DMXL1: variants seen among roughly 807,000 people sequenced by gnomAD.
DMXL1 encodes the protein Dmx like 1.
A neutral mutation model predicts 319.2 loss-of-function variants in DMXL1; 99 were observed. The observed-to-expected ratio is 0.31, with a 90% CI of 0.26 to 0.37. The LOEUF is 0.37. DMXL1 is among the 10% of genes least tolerant of loss of function. DMXL1 has a pLI of 1.00. For synonymous variants in DMXL1, 1,385 were observed against 1,235.2 expected, an observed-to-expected ratio of 1.12 and a Z score of -2.54; for missense variants, 3,745 against 3,595.6, an observed-to-expected ratio of 1.04 and a Z score of -1.06.
At chr5:119,184,173 A>G (rs1275036075) in intron 28 of DMXL1, among the ~76,000 whole-genome samples, 1 of 151,904 alleles carries the variant, frequency 6.6e-6, no homozygotes, top group Admixed American at 6.6e-5. Flanking sequence ...CTTCCACCTC[A>G]GTGCCCCAAG....
chr5:119,130,963 C>T (rs1764735565), intron 10 of DMXL1, among the ~76,000 whole-genome samples: 1 of 151,032 alleles, frequency 6.6e-6, no homozygotes, highest in South Asian at 2.1e-4. Flanking sequence ...TAAATATATG[C>T]TTTACATCCT....
chr5:119,135,845 G>C (rs1013123100), intron 13 of DMXL1, among the ~76,000 whole-genome samples: 1 of 152,174 alleles, frequency 6.6e-6, no homozygotes, highest in Non-Finnish European at 1.5e-5. Context: ...CCAGTCTCAG[G>C]TATTTCTTCA....
chr5:119,203,173 G>A, intron 32 of DMXL1, 146 bp from the exon 33 acceptor site: 1 of 498,702 alleles, frequency 2.0e-6, no homozygotes, highest in Non-Finnish European at 3.6e-6. Context: ...AATCCTTTAA[G>A]GAAAAGGTTG....
intron 13 of DMXL1, among the ~76,000 whole-genome samples, chr5:119,142,516 G>GT (rs1767614249): frequency 1.3e-5 from 1 of 76,158 alleles, no homozygotes; most frequent in South Asian, 4.4e-4. Context: ...TTATTAAAAA[G>GT]TAAAAAAAAA....
intron 20 of DMXL1, 46 bp downstream of exon 20, chr5:119,164,722 C>T (rs778765932): frequency 2.7e-5 from 41 of 1,505,554 alleles, no homozygotes; most frequent in South Asian, 1.5e-4. Flanking sequence ...ATTTTTTGGA[C>T]GTTTCTTTAA....
chr5:119,165,287 A>T lies in DMXL1; in HGVS notation c.4970+7A>T, dbSNP rs754930968. On this transcript the variant is annotated splice_region_variant and intron_variant, in intron 21 of 43. Transcript: ENST00000539542. ...TGATTTGGGGATTATATAGGTAGGT[A>T]AAAAAAAAAAAAAAAAAGGGTGCTT... 15 of 81,470 alleles carry T rather than the reference A, an allele frequency of 1.8e-4. No individual in the cohort carries two copies. Among genetic ancestry groups the T allele is most frequent in the Non-Finnish European group, 1.8e-4 (8 of 43,346 alleles). The allele number at this position is 81,470 out of a possible 1,614,324, so 5.0% of individuals were successfully genotyped here.
chr5:119,106,624 A>G (rs1005608575), intron 4 of DMXL1, among the ~76,000 whole-genome samples: 5 of 152,238 alleles, frequency 3.3e-5, no homozygotes, highest in African/African-American at 1.2e-4. Flanking sequence ...GGTTTTCAAA[A>G]GAGGCTAGTC....
chr5:119,133,104 C>T lies in DMXL1; in HGVS notation c.1316-28C>T, dbSNP rs1263802756. 7 of 1,609,566 alleles carry T rather than the reference C, an allele frequency of 4.3e-6. No individual in the cohort carries two copies. The African/African-American group carries it at 9.4e-5, about 22-fold the overall frequency. On this transcript the variant is annotated intron_variant, in intron 10 of 43. Transcript: ENST00000539542. ...TATAGTAATAACCTGTTTGTATTTA[C>T]TTGGTTCATGAACTCTTTTGCTTAT...
intron 30 of DMXL1, 44 bp downstream of exon 30, chr5:119,194,014 G>A: frequency 7.5e-7 from 1 of 1,326,038 alleles, no homozygotes; most frequent in Non-Finnish European, 1.0e-6. Context: ...AAATAATGGT[G>A]TATATAAATA....
At chr5:119,156,402 A>G (rs1483356328) in intron 19 of DMXL1, among the ~76,000 whole-genome samples, 1 of 152,202 alleles carries the variant, frequency 6.6e-6, no homozygotes, top group East Asian at 1.9e-4. Flanking sequence ...TACTCATTTT[A>G]TTGCAATATT....
intron 13 of DMXL1, among the ~76,000 whole-genome samples, chr5:119,141,731 A>G (rs13099967): frequency 6.6e-6 from 1 of 152,286 alleles, no homozygotes; most frequent in East Asian, 1.9e-4. Flanking sequence ...TCAAACTACC[A>G]ACAACATTGT....
intron 5 of DMXL1, among the ~76,000 whole-genome samples, chr5:119,111,758 G>A (rs1304686148): frequency 2.0e-5 from 3 of 152,082 alleles, no homozygotes; most frequent in African/African-American, 4.8e-5. Flanking sequence ...AAAAGAACAG[G>A]TATAACAATA....
At chr5:119,156,630 CAT>C (rs1321086794) in intron 19 of DMXL1, among the ~76,000 whole-genome samples, 2 of 151,822 alleles carry the variant, frequency 1.3e-5, no homozygotes, top group African/African-American at 2.4e-5. Context: ...ATTGGTGGAT[CAT>C]GTGGTAATTT....
intron 28 of DMXL1, among the ~76,000 whole-genome samples, chr5:119,184,759 T>C (rs1267127721): frequency 6.6e-6 from 1 of 152,212 alleles, no homozygotes; most frequent in Non-Finnish European, 1.5e-5. Context: ...GTGACTGGCT[T>C]ATTTCACCTA....
At chr5:119,081,671 C>T in intron 1 of DMXL1, 2 of 985,354 alleles carry the variant, frequency 2.0e-6, no homozygotes, top group Non-Finnish European at 2.4e-6. Context: ...TGAAGACCAA[C>T]TTAGACTTTA....
intron 42 of DMXL1, among the ~76,000 whole-genome samples, chr5:119,241,195 T>G (rs1788722523): frequency 6.6e-6 from 1 of 152,098 alleles, no homozygotes. Flanking sequence ...TGTACTGTAT[T>G]TATTGATATT....
rs139014201 is a variant in DMXL1 at position 119,222,372 on chromosome 5, A to G, written c.8277+1291A>G. On this transcript the variant is annotated intron_variant, in intron 37 of 43. Transcript: ENST00000539542. Reference sequence around the variant, plus strand: ...AGGATTAAAATGAACTTGAAAAGCAATCTAGTAATTATTCAAATGAAATGA... The same window carrying G: ...AGGATTAAAATGAACTTGAAAAGCAGTCTAGTAATTATTCAAATGAAATGA... 5.3e-5 allele frequency among the ~76,000 whole-genome samples: 8 copies of G among 152,314 alleles called. 1 individual carries two copies. The highest frequency in any genetic ancestry group is 4.6e-4 in the Admixed American group (7 of 15,288).
chr5:119,238,489 G>C (rs1193126191), intron 40 of DMXL1, among the ~76,000 whole-genome samples: 1 of 151,854 alleles, frequency 6.6e-6, no homozygotes, highest in African/African-American at 2.4e-5. Context: ...TCATGTACTT[G>C]AATTTTTAAA....
intron 1 of DMXL1, among the ~76,000 whole-genome samples, chr5:119,082,046 C>T (rs1351873501): frequency 6.7e-6 from 1 of 149,578 alleles, no homozygotes; most frequent in Non-Finnish European, 1.5e-5. Flanking sequence ...CACACACACA[C>T]ACACACACAC....
Sources: gnomAD v4.1 joint callset for allele counts (sites outside exome capture counted in the v4.1 genomes callset) on GRCh38, gnomAD v4.1.1 for gene constraint, MANE v1.5 for transcripts, NCBI Gene and HGNC (gene_info 2026-07-23, HGNC 2026-07-21) for gene names.